The following STK32B variants were observed in gnomAD, a reference collection of about 807,000 sequenced individuals.
STK32B encodes serine/threonine kinase 32B, also known as serine/threonine-protein kinase 32B.
In STK32B, 43 loss-of-function variants were observed where a neutral mutation model predicts 52.6. The observed-to-expected ratio is 0.82, with a 90% CI of 0.64 to 1.05. The LOEUF (loss-of-function observed/expected upper bound fraction) is 1.05, where lower values mean the gene tolerates loss of function less well. STK32B is among the 50% of genes least tolerant of loss of function. The pLI, the probability that STK32B is intolerant of heterozygous loss-of-function variation, is 0.00. For missense variants in STK32B, 621 were observed against 534.6 expected (o/e 1.16, Z -1.59); for synonymous variants, 238 against 204.3 (o/e 1.17, Z -1.41).
intron 3 of STK32B, among the ~76,000 whole-genome samples, chr4:5,180,814 A>C (rs1720293032): frequency 6.6e-6 from 1 of 152,128 alleles, no homozygotes; most frequent in African/African-American, 2.4e-5. Flanking sequence ...GCATTGATTA[A>C]TTTTCATAGC....
At chr4:5,355,426 C>T (rs1382056460) in intron 4 of STK32B, among the ~76,000 whole-genome samples, 1 of 152,190 alleles carries the variant, frequency 6.6e-6, no homozygotes, top group Non-Finnish European at 1.5e-5. Flanking sequence ...TTTTCTACCT[C>T]TCTTCTTCCT....
intron 3 of STK32B, among the ~76,000 whole-genome samples, chr4:5,317,102 AATATATAAT>A (rs1415755942): frequency 5.3e-5 from 2 of 37,452 alleles, no homozygotes; most frequent in Non-Finnish European, 7.7e-5. Context: ...TATATGATAT[AATATATAAT>A]ATATATAATA....
chr4:5,113,352 T>G (rs1714513023), intron 1 of STK32B, among the ~76,000 whole-genome samples: 1 of 152,176 alleles, frequency 6.6e-6, no homozygotes, highest in African/African-American at 2.4e-5. Flanking sequence ...CTGTGAGAAA[T>G]AAACTTCTGT....
intron 2 of STK32B, among the ~76,000 whole-genome samples, chr4:5,149,629 C>T (rs576408952): frequency 6.6e-6 from 1 of 151,910 alleles, no homozygotes; most frequent in Non-Finnish European, 1.5e-5. Context: ...CCATCTACCA[C>T]CCTATCTGTC....
At chr4:5,390,032 G>A (rs1394391091) in intron 4 of STK32B, among the ~76,000 whole-genome samples, 1 of 152,214 alleles carries the variant, frequency 6.6e-6, no homozygotes, top group Admixed American at 6.5e-5. Flanking sequence ...TCCTCTGTGG[G>A]CTCCAGAAGG....
In STK32B at chr4:5,454,223, C is replaced by A. The variant is rs562180954; in HGVS notation, c.667-2584C>A. Among the ~76,000 whole-genome samples, 15 of 152,276 alleles carry A rather than the reference C, an allele frequency of 9.9e-5. No individual in the cohort carries two copies. In the South Asian group the frequency reaches 1.2e-3, roughly 13 times the overall value. On this transcript the variant is annotated intron_variant, in intron 7 of 11. Coordinates refer to ENST00000282908, the MANE Select transcript of STK32B (RefSeq NM_018401.3). ...TCAGCCACCTCCTGGAGTGAGAGCT[C>A]TGTAGGGCTGCTGTTCATTACCTGT...
chr4:5,295,102 C>A (rs761648364), intron 3 of STK32B, among the ~76,000 whole-genome samples: 1 of 152,100 alleles, frequency 6.6e-6, no homozygotes, highest in African/African-American at 2.4e-5. Flanking sequence ...GTTGAACCAG[C>A]CTTGCATCCC....
intron 1 of STK32B, among the ~76,000 whole-genome samples, chr4:5,121,740 A>G (rs1272150007): frequency 2.0e-5 from 3 of 152,136 alleles, no homozygotes; most frequent in African/African-American, 7.2e-5. Flanking sequence ...GGTGGAAGGG[A>G]TGAGGCTGGA....
At chr4:5,031,563 C>T in the STK32B span, among the ~76,000 whole-genome samples, 4 of 151,804 alleles carry the variant, frequency 2.6e-5, no homozygotes, top group Non-Finnish European at 5.9e-5. Flanking sequence ...CACATCACTG[C>T]ACTCCAGTCT....
intron 2 of STK32B, among the ~76,000 whole-genome samples, chr4:5,155,636 G>C: frequency 6.6e-6 from 1 of 152,038 alleles, no homozygotes; most frequent in African/African-American, 2.4e-5. Context: ...TCCTGGGGGC[G>C]GTTTCCCCCA....
At position 5,289,838 on chromosome 4, in the gene STK32B, G is replaced by T. The variant is rs547459429; in HGVS notation, c.261-41382G>T. The stretch of plus-strand genomic sequence containing the variant: ...GATTACAAGCGTGATGAGCCACCAC[G>T]CCCGGCCTATTTTATTCTCTTTTTA... On this transcript the variant is annotated intron_variant, in intron 3 of 11. Coordinates refer to ENST00000282908, the MANE Select transcript of STK32B (RefSeq NM_018401.3). 2.6e-5 allele frequency among the ~76,000 whole-genome samples: 4 copies of T among 151,688 alleles called. No individual in the cohort carries two copies. In the East Asian group the frequency reaches 7.8e-4, roughly 29 times the overall value.
At chr4:5,306,656 C>T (rs965888227) in intron 3 of STK32B, among the ~76,000 whole-genome samples, 2 of 152,084 alleles carry the variant, frequency 1.3e-5, no homozygotes, top group South Asian at 2.1e-4. Context: ...AGCATGGAGA[C>T]GTGAGGTACT....
At chr4:5,276,505 G>C (rs867320297) in intron 3 of STK32B, among the ~76,000 whole-genome samples, 1 of 151,994 alleles carries the variant, frequency 6.6e-6, no homozygotes, top group Non-Finnish European at 1.5e-5. Context: ...TGTCTCTTAT[G>C]TCAAATCCTG....
chr4:5,428,660 A>T (rs889678252), intron 6 of STK32B, among the ~76,000 whole-genome samples: 1 of 152,172 alleles, frequency 6.6e-6, no homozygotes, highest in South Asian at 2.1e-4. Context: ...AATTAGGTCA[A>T]GTTATTTGAT....
intron 4 of STK32B, among the ~76,000 whole-genome samples, chr4:5,340,342 C>A (rs1732991901): frequency 6.6e-6 from 1 of 152,182 alleles, no homozygotes; most frequent in African/African-American, 2.4e-5. Context: ...GCAAGTAAGG[C>A]TTCCTCTGCC....
chr4:5,076,309 C>A (rs1209795498), intron 1 of STK32B, among the ~76,000 whole-genome samples: 1 of 152,128 alleles, frequency 6.6e-6, no homozygotes, highest in African/African-American at 2.4e-5. Context: ...TTAACAATTG[C>A]ATATTATCCT....
At chr4:5,151,240 A>G (rs1717341473) in intron 2 of STK32B, among the ~76,000 whole-genome samples, 1 of 152,232 alleles carries the variant, frequency 6.6e-6, no homozygotes, top group Non-Finnish European at 1.5e-5. Flanking sequence ...AATAAAGCAT[A>G]GCTTTGTTCA....
At chr4:5,275,224 A>G (rs966394838) in intron 3 of STK32B, among the ~76,000 whole-genome samples, 1 of 152,186 alleles carries the variant, frequency 6.6e-6, no homozygotes, top group Non-Finnish European at 1.5e-5. Context: ...TATAATATTA[A>G]GTGATGATGT....
At chr4:5,492,770 G>C (rs1719856041) in intron 11 of STK32B, among the ~76,000 whole-genome samples, 1 of 151,488 alleles carries the variant, frequency 6.6e-6, no homozygotes, top group East Asian at 1.9e-4. Context: ...AATTTCTTGA[G>C]AGTTTTTAGC....
Sources: gnomAD v4.1 joint callset for allele counts (sites outside exome capture counted in the v4.1 genomes callset) on GRCh38, gnomAD v4.1.1 for gene constraint, MANE v1.5 for transcripts, NCBI Gene and HGNC (gene_info 2026-07-23, HGNC 2026-07-21) for gene names.